Variants in ARNT observed in about 807,000 individuals in gnomAD.
ARNT encodes the protein class E basic helix-loop-helix protein 2.
In ARNT, 30 loss-of-function variants were observed where a neutral mutation model predicts 105.0. The ratio of observed to expected loss-of-function variants is 0.29; its 90% confidence interval spans 0.21 to 0.39. ARNT has a LOEUF of 0.39. ARNT is among the 10% of genes least tolerant of loss of function. The pLI, the probability that ARNT is intolerant of heterozygous loss-of-function variation, is 1.00. For missense variants in ARNT, 748 were observed against 978.7 expected (o/e 0.76, Z 3.15); for synonymous variants, 304 against 344.0 (o/e 0.88, Z 1.29).
chr1:150,824,425 GA>G (rs587728007), intron 13 of ARNT, among the ~76,000 whole-genome samples: 200 of 150,752 alleles, frequency 1.3e-3, no homozygotes, highest in Non-Finnish European at 2.2e-3. Context: ...TTTTTTCCCC[GA>G]AACCTGAGAA....
At chr1:150,816,658 T>G (rs1328046800) in intron 18 of ARNT, 130 bp downstream of exon 18, 1 of 1,123,362 alleles carries the variant, frequency 8.9e-7, no homozygotes, top group African/African-American at 1.6e-5. Context: ...CTTGTTTGCC[T>G]CACGCTAGGC....
At chr1:150,859,742 G>A (rs1299293564) in intron 1 of ARNT, among the ~76,000 whole-genome samples, 1 of 152,164 alleles carries the variant, frequency 6.6e-6, no homozygotes, top group African/African-American at 2.4e-5. Flanking sequence ...GGGCACAGTG[G>A]CGGATGCCTG....
chr1:150,857,782 A>G lies in ARNT; in HGVS notation c.137+567T>C, dbSNP rs892652684. ...ACTAGGCATATTCTATCATATATTC[A>G]TGTGTATAATAATTATTTCTATCAG... On this transcript the variant is annotated intron_variant, in intron 2 of 21. Transcript: ENST00000358595. Among the ~76,000 whole-genome samples, 2 of 152,202 alleles carry G rather than the reference A, an allele frequency of 1.3e-5. 1 individual carries two copies. The highest frequency in any genetic ancestry group is 4.8e-5 in the African/African-American group (2 of 41,456).
intron 5 of ARNT, 116 bp from the exon 6 acceptor site, chr1:150,839,770 G>A: frequency 9.2e-7 from 1 of 1,089,274 alleles, no homozygotes. Context: ...CAGATTTAGT[G>A]ATGCTTAAGT....
intron 8 of ARNT, 120 bp from the exon 9 acceptor site, chr1:150,832,519 T>C: frequency 1.1e-6 from 1 of 916,036 alleles, no homozygotes; most frequent in Non-Finnish European, 1.7e-6. Context: ...GTAATGCTAC[T>C]AATAATGAAG....
chr1:150,827,918 A>G (rs2101796014), intron 12 of ARNT, among the ~76,000 whole-genome samples: 1 of 152,296 alleles, frequency 6.6e-6, no homozygotes, highest in East Asian at 1.9e-4. Flanking sequence ...CTAATGGTAA[A>G]AAGATGTTGA....
At chr1:150,854,464 G>A (rs1416402894) in intron 2 of ARNT, among the ~76,000 whole-genome samples, 1 of 137,040 alleles carries the variant, frequency 7.3e-6, no homozygotes, top group African/African-American at 2.7e-5. Flanking sequence ...GGGGGGGCGG[G>A]AGGGGCTGCA....
intron 13 of ARNT, among the ~76,000 whole-genome samples, chr1:150,824,645 G>A (rs1657827593): frequency 6.6e-6 from 1 of 151,446 alleles, no homozygotes; most frequent in Non-Finnish European, 1.5e-5. Flanking sequence ...AGTAGAGACG[G>A]GTTTTCACCA....
intron 5 of ARNT, among the ~76,000 whole-genome samples, chr1:150,840,922 A>G (rs1209852690): frequency 6.7e-6 from 1 of 149,404 alleles, no homozygotes; most frequent in Non-Finnish European, 1.5e-5. Context: ...TTCTACTCAA[A>G]TATTTGCCTT....
chr1:150,825,447 A>T (rs1017879226), intron 13 of ARNT, among the ~76,000 whole-genome samples: 5 of 152,220 alleles, frequency 3.3e-5, no homozygotes, highest in Admixed American at 2.6e-4. Context: ...AAAAACCGTT[A>T]TCAAAAGCCA....
At chr1:150,840,711 C>T (rs1661123220) in intron 5 of ARNT, among the ~76,000 whole-genome samples, 1 of 152,158 alleles carries the variant, frequency 6.6e-6, no homozygotes, top group South Asian at 2.1e-4. Flanking sequence ...AAAGGTCTGA[C>T]AAGACAATTT....
At chr1:150,813,996 C>T in intron 20 of ARNT, 81 bp downstream of exon 20, 1 of 1,535,792 alleles carries the variant, frequency 6.5e-7, no homozygotes. Context: ...ACCCACAACA[C>T]AGGCAAACAA....
intron 3 of ARNT, among the ~76,000 whole-genome samples, chr1:150,849,708 A>G (rs1260807066): frequency 1.3e-5 from 2 of 152,170 alleles, no homozygotes; most frequent in African/African-American, 4.8e-5. Context: ...GGCTGTAGTG[A>G]GCCGAGACTG....
intron 3 of ARNT, among the ~76,000 whole-genome samples, chr1:150,849,711 C>T (rs1230174157): frequency 1.3e-5 from 2 of 152,072 alleles, no homozygotes; most frequent in Non-Finnish European, 2.9e-5. Context: ...TGTAGTGAGC[C>T]GAGACTGTGC....
intron 1 of ARNT, among the ~76,000 whole-genome samples, chr1:150,859,096 A>G (rs1665145101): frequency 6.6e-6 from 1 of 152,004 alleles, no homozygotes; most frequent in African/African-American, 2.4e-5. Context: ...AAAAAAATAC[A>G]TACATAAATG....
At chr1:150,815,409 G>A (rs759423139) in intron 19 of ARNT, among the ~76,000 whole-genome samples, 7 of 151,706 alleles carry the variant, frequency 4.6e-5, no homozygotes, top group Non-Finnish European at 7.4e-5. Flanking sequence ...TTAGCCAGGC[G>A]TGGTGGCGAG....
At chr1:150,830,250 G>A (rs1015596195) in intron 10 of ARNT, 16 of 307,898 alleles carry the variant, frequency 5.2e-5, no homozygotes, top group Admixed American at 9.2e-5. Flanking sequence ...GGAGGCTGAG[G>A]TGAGAGAATC....
chr1:150,834,680 G>C, intron 7 of ARNT, 40 bp from the exon 8 acceptor site: 1 of 1,566,708 alleles, frequency 6.4e-7, no homozygotes, highest in Non-Finnish European at 8.8e-7. Flanking sequence ...GTGCATTTTT[G>C]TGTGTGGGGA....
intron 10 of ARNT, chr1:150,830,254 G>A (rs961391960): frequency 3.3e-6 from 1 of 302,946 alleles, no homozygotes; most frequent in Non-Finnish European, 6.2e-6. Flanking sequence ...GCTGAGGTGA[G>A]AGAATCACTT....
Sources: gnomAD v4.1 joint callset for allele counts (sites outside exome capture counted in the v4.1 genomes callset) on GRCh38, gnomAD v4.1.1 for gene constraint, MANE v1.5 for transcripts, NCBI Gene and HGNC (gene_info 2026-07-23, HGNC 2026-07-21) for gene names.